HS6ST3: variants seen among roughly 807,000 people sequenced by gnomAD.
HS6ST3 encodes the protein heparan sulfate 6-O-sulfotransferase 3, also known as heparan-sulfate 6-O-sulfotransferase 3.
HS6ST3 carries 12 observed loss-of-function variants against 36.7 expected under a neutral mutation model. That is an observed-to-expected ratio of 0.33 (90% CI 0.21 to 0.53). The LOEUF (loss-of-function observed/expected upper bound fraction) is 0.53. HS6ST3 is among the 20% of genes least tolerant of loss of function. The pLI, the probability that HS6ST3 is intolerant of heterozygous loss-of-function variation, is 0.95. For synonymous variants in HS6ST3, 240 were observed against 257.5 expected (o/e 0.93, Z 0.65); for missense variants, 584 against 640.9 (o/e 0.91, Z 0.96).
chr13:96,346,453 A>T (rs942221196), intron 1 of HS6ST3, among the ~76,000 whole-genome samples: 1 of 151,930 alleles, frequency 6.6e-6, no homozygotes, highest in Admixed American at 6.5e-5. Flanking sequence ...AGGTGCCTGT[A>T]GTCCTAGCTA....
At chr13:96,136,034 A>T (rs2054000071) in intron 1 of HS6ST3, among the ~76,000 whole-genome samples, 2 of 151,840 alleles carry the variant, frequency 1.3e-5, no homozygotes, top group Non-Finnish European at 2.9e-5. Flanking sequence ...CACACTTGGA[A>T]CTCCCAACAC....
chr13:96,725,343 G>A (rs549876030), intron 1 of HS6ST3, among the ~76,000 whole-genome samples: 43 of 152,102 alleles, frequency 2.8e-4, no homozygotes, highest in South Asian at 1.9e-3. Context: ...TCTTAGCAGC[G>A]TCTTGAAGAG....
At chr13:96,360,399 T>G (rs1009076010) in intron 1 of HS6ST3, among the ~76,000 whole-genome samples, 4 of 152,044 alleles carry the variant, frequency 2.6e-5, no homozygotes, top group African/African-American at 9.7e-5. Flanking sequence ...CTCTAGGGAT[T>G]GTGAATGATT....
At chr13:96,226,524 AAATAAT>A (rs560161304) in intron 1 of HS6ST3, among the ~76,000 whole-genome samples, 1 of 151,994 alleles carries the variant, frequency 6.6e-6, no homozygotes, top group East Asian at 1.9e-4. Flanking sequence ...CCATCTCAAA[AAATAAT>A]AATAATAATA....
chr13:96,165,831 G>A (rs2054157458), intron 1 of HS6ST3, among the ~76,000 whole-genome samples: 1 of 152,154 alleles, frequency 6.6e-6, no homozygotes, highest in Non-Finnish European at 1.5e-5. Flanking sequence ...CCCTTAGGAA[G>A]GGGTGGTGAA....
At chr13:96,431,276 C>T (rs2055614544) in intron 1 of HS6ST3, among the ~76,000 whole-genome samples, 1 of 151,260 alleles carries the variant, frequency 6.6e-6, no homozygotes, top group Non-Finnish European at 1.5e-5. Flanking sequence ...AAACCAAAAC[C>T]AAACAGAAAA....
chr13:96,570,107 A>G (rs1222564682), intron 1 of HS6ST3, among the ~76,000 whole-genome samples: 1 of 152,234 alleles, frequency 6.6e-6, no homozygotes, highest in Non-Finnish European at 1.5e-5. Context: ...TTTATAAATA[A>G]TTAATAATTA....
intron 1 of HS6ST3, among the ~76,000 whole-genome samples, chr13:96,331,651 C>T (rs567418500): frequency 1.7e-4 from 26 of 152,308 alleles, no homozygotes; most frequent in Admixed American, 3.9e-4. Flanking sequence ...TGTGCCCTGC[C>T]CCCAGAGGTG....
At chr13:96,594,679 C>A (rs1164482217) in intron 1 of HS6ST3, among the ~76,000 whole-genome samples, 1 of 151,994 alleles carries the variant, frequency 6.6e-6, no homozygotes, top group Non-Finnish European at 1.5e-5. Flanking sequence ...TATTTTATAT[C>A]CTTTAGTAAA....
intron 1 of HS6ST3, among the ~76,000 whole-genome samples, chr13:96,385,567 T>G (rs746789851): frequency 2.6e-5 from 4 of 152,118 alleles, no homozygotes; most frequent in Non-Finnish European, 5.9e-5. Context: ...CACAGAGAAG[T>G]TACCTGCCCA....
chr13:96,640,067 G>T (rs946401419), intron 1 of HS6ST3, among the ~76,000 whole-genome samples: 2 of 151,830 alleles, frequency 1.3e-5, no homozygotes, highest in East Asian at 1.9e-4. Context: ...ATTTTGGTGG[G>T]TGGGGGGGTA....
chr13:96,647,416 A>G (rs1594826465), intron 1 of HS6ST3, among the ~76,000 whole-genome samples: 1 of 152,164 alleles, frequency 6.6e-6, no homozygotes, highest in East Asian at 1.9e-4. Context: ...CACAAAGAAA[A>G]AGCAAATTGT....
intron 1 of HS6ST3, among the ~76,000 whole-genome samples, chr13:96,154,721 C>T (rs1028750003): frequency 2.6e-5 from 4 of 151,972 alleles, no homozygotes; most frequent in African/African-American, 7.2e-5. Flanking sequence ...TAAAAATTAA[C>T]ACAATGAAGT....
At chr13:96,178,252 A>G (rs917783395) in intron 1 of HS6ST3, among the ~76,000 whole-genome samples, 4 of 152,206 alleles carry the variant, frequency 2.6e-5, no homozygotes, top group African/African-American at 9.7e-5. Context: ...TAAGTATAAA[A>G]TAATACAAAA....
At chr13:96,574,505 G>A in intron 1 of HS6ST3, 1 of 427,922 alleles carries the variant, frequency 2.3e-6, no homozygotes, top group Non-Finnish European at 4.1e-6. Context: ...CATTACTCCT[G>A]ACACATGGCT....
At chr13:96,101,712 A>T (rs1340534721) in intron 1 of HS6ST3, among the ~76,000 whole-genome samples, 1 of 152,136 alleles carries the variant, frequency 6.6e-6, no homozygotes, top group Non-Finnish European at 1.5e-5. Flanking sequence ...ACATTGGTAC[A>T]TATATGTCAC....
rs138409832 is a variant in HS6ST3 at position 96,486,263 on chromosome 13, A to G, written c.708-346227A>G. 8.9e-3 allele frequency among the ~76,000 whole-genome samples: 1,349 copies of G among 152,088 alleles called. 20 individuals are homozygous for G. Among genetic ancestry groups the G allele is most frequent in the African/African-American group, 0.03 (1,262 of 41,468 alleles). On this transcript the variant is annotated intron_variant, in intron 1 of 1. Transcript: ENST00000376705. ...CCACATTTTCTTGATGCAGTCTATCATTGTTGGACATTTGGGTTGGTTCCA... is the reference window on the plus strand; with the variant it reads ...CCACATTTTCTTGATGCAGTCTATCGTTGTTGGACATTTGGGTTGGTTCCA...
At chr13:96,419,129 T>C (rs1373797895) in intron 1 of HS6ST3, among the ~76,000 whole-genome samples, 1 of 152,274 alleles carries the variant, frequency 6.6e-6, no homozygotes, top group Non-Finnish European at 1.5e-5. Flanking sequence ...CCTTTCATTC[T>C]GTAATTATAG....
intron 1 of HS6ST3, among the ~76,000 whole-genome samples, chr13:96,755,484 C>T (rs1456999221): frequency 6.6e-6 from 1 of 152,120 alleles, no homozygotes; most frequent in Non-Finnish European, 1.5e-5. Context: ...CCTGCCTCAG[C>T]TTCCCGAGCA....
Sources: gnomAD v4.1 joint callset for allele counts (sites outside exome capture counted in the v4.1 genomes callset) on GRCh38, gnomAD v4.1.1 for gene constraint, MANE v1.5 for transcripts, NCBI Gene and HGNC (gene_info 2026-07-23, HGNC 2026-07-21) for gene names.